Variants in PRODH2 observed in about 807,000 individuals in gnomAD.
PRODH2 encodes the protein proline dehydrogenase 2.
Under a neutral mutation model 51.9 loss-of-function variants are expected in PRODH2, and 49 were observed. The observed-to-expected ratio is 0.94, with a 90% confidence interval of 0.75 to 1.20. The LOEUF (loss-of-function observed/expected upper bound fraction) is 1.20, where lower values mean the gene tolerates loss of function less well. PRODH2 is among the 50% of genes most tolerant of loss of function. The pLI is 0.00. For synonymous variants in PRODH2, 249 were observed against 260.7 expected, an observed-to-expected ratio of 0.96 and a Z score of 0.43; for missense variants, 597 against 610.9, an observed-to-expected ratio of 0.98 and a Z score of 0.24.
rs866767730 is a variant in PRODH2, at chr19:35,802,180, C to T, written c.1198+11G>A. ...TGGGGCTTGATGGGGGTGGGGGAGC[C>T]ATTCACATACCCAGTGCTAGAGAGA... On this transcript the variant is annotated intron_variant, in intron 9 of 9. Transcript: ENST00000653904. 1 of 1,613,276 alleles carries T rather than the reference C, an allele frequency of 6.2e-7. No individual in the cohort carries two copies. The highest frequency in any genetic ancestry group is 1.3e-5 in the African/African-American group (1 of 74,966).
rs149195131 is a variant in PRODH2, at chr19:35,812,689, C to T, written c.117G>A (p.Arg39=). The change falls in exon 1 of 10, where the codon CGG becomes CGA. Residue 39 remains arginine, a synonymous_variant. Coordinates refer to ENST00000653904, the MANE Select transcript of PRODH2 (RefSeq NM_021232.2). ...CACACAGCCGGAGAACCAGCAAGGCCCGTGTCAGCTCTCCTGTGCCCTTAA... is the reference window on the plus strand; with the variant it reads ...CACACAGCCGGAGAACCAGCAAGGCTCGTGTCAGCTCTCCTGTGCCCTTAA... ...FHLKGTGELT[R]ALLVLRLCAW... 1.9e-4 allele frequency: 309 copies of T among 1,608,126 alleles called. 1 individual carries two copies. The African/African-American group carries it at 3.7e-3, about 20-fold the overall frequency.
chr19:35,812,292 C>T lies in PRODH2; in HGVS notation c.372-20G>A. The T allele has an allele frequency of 6.2e-7, 1 of 1,612,790 alleles. No individual in the cohort carries two copies. The highest frequency in any genetic ancestry group is 1.1e-5 in the South Asian group (1 of 90,958). On this transcript the variant is annotated intron_variant, in intron 2 of 9. Transcript: ENST00000653904. Reference sequence around the variant, plus strand: ...GCCTCACTGCCCAGCCAGCAGGTGTCAGGGCCCGAACAGCAAAGCCCCTTC... The same window carrying T: ...GCCTCACTGCCCAGCCAGCAGGTGTTAGGGCCCGAACAGCAAAGCCCCTTC...
At chr19:35,808,442 C>T (rs995481135) in intron 4 of PRODH2, among the ~76,000 whole-genome samples, 1 of 152,082 alleles carries the variant, frequency 6.6e-6, no homozygotes, top group Admixed American at 6.6e-5. Flanking sequence ...TGCAACCTTC[C>T]GCATGGTGGG....
chr19:35,809,108 CTTCCTTCCTTCCTTCCTTCCT>C (rs958086443), intron 4 of PRODH2, among the ~76,000 whole-genome samples: 9 of 139,496 alleles, frequency 6.5e-5, no homozygotes, highest in African/African-American at 1.6e-4. Flanking sequence ...TTATTTCTTT[CTTCCTTCCTTCCTTCCTTCCT>C]TTCCTTCCTT....
chr19:35,809,975 A>AAG (rs1325530659), intron 4 of PRODH2, among the ~76,000 whole-genome samples: 5 of 134,472 alleles, frequency 3.7e-5, no homozygotes, highest in Non-Finnish European at 8.0e-5. Context: ...AAAAAAAAAA[A>AAG]AAAAAAAAAA....
chr19:35,802,198 T>G lies in PRODH2; in HGVS notation c.1191A>C (p.Leu397=). 1 of 1,613,986 alleles carries G rather than the reference T, an allele frequency of 6.2e-7. No homozygotes were observed. Among genetic ancestry groups the G allele is most frequent in the Non-Finnish European group, 8.5e-7 (1 of 1,179,952 alleles). ...QLLGMCDHVS[L]ALGQAGYVVY... ...GGGGAGCCATTCACATACCCAGTGCTAGAGAGACGTGGTCACACATGCCCA... is the reference window on the plus strand; with the variant it reads ...GGGGAGCCATTCACATACCCAGTGCGAGAGAGACGTGGTCACACATGCCCA... Residue 397 remains leucine, a synonymous_variant, in exon 9 of 10, where the codon CTA becomes CTC. Transcript: ENST00000653904.
intron 4 of PRODH2, among the ~76,000 whole-genome samples, chr19:35,807,927 C>A (rs1423471765): frequency 6.6e-6 from 1 of 151,936 alleles, no homozygotes; most frequent in Non-Finnish European, 1.5e-5. Context: ...AGGCACCCAC[C>A]ACCATGCCGG....
intron 9 of PRODH2, chr19:35,801,802 C>T (rs1972435375): frequency 4.9e-6 from 1 of 203,284 alleles, no homozygotes; most frequent in Non-Finnish European, 1.0e-5. Context: ...GAAGTTGGGG[C>T]TATGGGTTAA....
At chr19:35,802,934 G>A (rs778598216) in intron 8 of PRODH2, 34 bp downstream of exon 8, 11 of 1,439,940 alleles carry the variant, frequency 7.6e-6, no homozygotes, top group Admixed American at 6.3e-5. Flanking sequence ...CCTTTTGTGG[G>A]CACCTATTTC....
At position 35,806,588 on chromosome 19, in the gene PRODH2, G is replaced by C. The variant is rs199941919; in HGVS notation, c.843C>G (p.Phe281Leu). The C allele has an allele frequency of 6.2e-7, 1 of 1,614,076 alleles. No homozygotes were observed. Among genetic ancestry groups the C allele is most frequent in the South Asian group, 1.1e-5 (1 of 91,086 alleles). The change falls in exon 7 of 10, where the codon TTC (phenylalanine) becomes TTG (leucine). Residue 281 changes from phenylalanine to leucine, a missense_variant. Physicochemically the swap from Phe to Leu is conservative, Grantham distance 22 (BLOSUM62 0). Transcript: ENST00000653904. Reference sequence around the variant, plus strand: ...CCTCTGCATCCCTCCCCAGCCGCTCGAATGTGTCCTATAGGGCACGCAGGC... The same window carrying C: ...CCTCTGCATCCCTCCCCAGCCGCTCCAATGTGTCCTATAGGGCACGCAGGC... ...NTYQACLKDT[F>L]ERLGRDAEAA...
Position 35,810,160 on chromosome 19 carries a change from C to T in PRODH2, c.597+1802G>A, listed in dbSNP as rs566951520. On this transcript the variant is annotated intron_variant, in intron 4 of 9. Coordinates refer to ENST00000653904, the MANE Select transcript of PRODH2 (RefSeq NM_021232.2). The stretch of plus-strand genomic sequence containing the variant: ...GCAGGCGCTTGTAATCCCAGCTACT[C>T]GGGAGGCTGAAGCAGGAGAACCCGG... Among the ~76,000 whole-genome samples the T allele has an allele frequency of 1.2e-3, 166 of 135,532 alleles. No individual in the cohort carries two copies. In the Middle Eastern group the frequency reaches 0.037, roughly 31 times the overall value. The allele number at this position is 135,532 out of a possible 152,430, so 88.9% of individuals were successfully genotyped here. A position where few individuals can be genotyped will look rare whatever the true frequency, so the allele number is the denominator to read the frequency against.
intron 7 of PRODH2, 56 bp downstream of exon 7, chr19:35,806,374 G>A: frequency 6.2e-7 from 1 of 1,600,840 alleles, no homozygotes; most frequent in Non-Finnish European, 8.5e-7. Context: ...ATGAGCCACT[G>A]CACCCAACCA....
intron 7 of PRODH2, among the ~76,000 whole-genome samples, chr19:35,805,549 G>A (rs1972498507): frequency 6.6e-6 from 1 of 152,100 alleles, no homozygotes; most frequent in Non-Finnish European, 1.5e-5. Flanking sequence ...TTACAAGCGT[G>A]AGCCACCATG....
At chr19:35,809,078 G>A (rs1972560689) in intron 4 of PRODH2, among the ~76,000 whole-genome samples, 1 of 150,522 alleles carries the variant, frequency 6.6e-6, no homozygotes, top group Non-Finnish European at 1.5e-5. Flanking sequence ...ACAGCACCTG[G>A]CCCTTTTTTC....
rs1360701267 is a variant in PRODH2 at position 35,812,522 on chromosome 19, C to CG, written c.208dup (p.Arg70ProfsTer19). ...TGCTCGGAGAAATGCGCCTGAGAGC[C>CG]GGGAGCCCAGGAGTCGCCGAGACCA... is the stretch of plus-strand genomic sequence containing the variant. On this transcript the variant is annotated frameshift_variant, in exon 2 of 10. Transcript: ENST00000653904. LOFTEE classifies it high-confidence loss of function. 23 of 1,614,030 alleles carry CG rather than the reference C, an allele frequency of 1.4e-5. No individual in the cohort carries two copies. Among genetic ancestry groups the CG allele is most frequent in the Non-Finnish European group, 1.9e-5 (22 of 1,180,020 alleles).
intron 4 of PRODH2, among the ~76,000 whole-genome samples, chr19:35,810,037 G>T (rs1232180425): frequency 6.8e-6 from 1 of 146,042 alleles, no homozygotes; most frequent in African/African-American, 2.5e-5. Context: ...GGAGGCTGAG[G>T]CGGGCGTTTC....
At chr19:35,802,144 GGAGT>G (rs763904298) in intron 9 of PRODH2, 43 bp downstream of exon 9, 6 of 1,556,408 alleles carry the variant, frequency 3.9e-6, no homozygotes, top group Non-Finnish European at 4.4e-6. Context: ...TGGCTGGGAG[GGAGT>G]AAGGCCTGGG....
chr19:35,808,794 T>C (rs1599822073), intron 4 of PRODH2, among the ~76,000 whole-genome samples: 2 of 129,020 alleles, frequency 1.6e-5, no homozygotes, highest in African/African-American at 5.5e-5. Flanking sequence ...CCTCCTTCCC[T>C]CCCTTCCTTC....
Position 35,806,819 on chromosome 19 carries a change from G to T in PRODH2, c.690C>A (p.Ala230=). The T allele has an allele frequency of 6.2e-7, 1 of 1,606,074 alleles. No homozygotes were observed. The highest frequency in any genetic ancestry group is 8.5e-7 in the Non-Finnish European group (1 of 1,176,440). ...CATCCACCAGGAGCCGCACGTGCTG[G>T]GCCCGGGCATACTGATGGCGACAGA... The part of the protein sequence containing the change: ...RLHRVAQYAR[A]QHVRLLVDAE... Residue 230 remains alanine (A), a synonymous_variant, in exon 6 of 10, where the codon GCC becomes GCA. Transcript: ENST00000653904.
Sources: allele counts gnomAD v4.1 joint callset (sites outside exome capture counted in the v4.1 genomes callset), GRCh38; gene constraint gnomAD v4.1.1; transcripts MANE v1.5; gene names NCBI Gene and HGNC (gene_info 2026-07-23, HGNC 2026-07-21).